The following GSK3B variants were observed in gnomAD, a reference collection of about 807,000 sequenced individuals.
GSK3B encodes glycogen synthase kinase-3 beta.
GSK3B carries 15 observed loss-of-function variants against 56.4 expected under a neutral mutation model. That is an observed-to-expected ratio of 0.27 (90% CI 0.18 to 0.41). The LOEUF (loss-of-function observed/expected upper bound fraction) is 0.41, where lower values mean the gene tolerates loss of function less well. Ranked by LOEUF, GSK3B falls within the 10% of genes least tolerant of loss-of-function variation. GSK3B has a pLI of 1.00. For synonymous variants in GSK3B, 181 were observed against 188.9 expected (o/e 0.96, Z 0.34); for missense variants, 300 against 513.4 (o/e 0.58, Z 4.02).
At chr3:119,952,679 C>T (rs935449526) in intron 2 of GSK3B, among the ~76,000 whole-genome samples, 23 of 148,154 alleles carry the variant, frequency 1.6e-4, no homozygotes, top group African/African-American at 4.9e-4. Context: ...AATTAATAGC[C>T]GACTAATCAT....
rs939184765 is a variant in GSK3B, at chr3:119,842,070, C to T, written c.1195+1185G>A. ...AAATGAAGTCAGCTCCTGCCATTAG[C>T]TTTTTGGAGAGAGAGAGAAAAAAAA... is the stretch of plus-strand genomic sequence containing the variant. On this transcript the variant is annotated intron_variant, in intron 10 of 10. Coordinates refer to ENST00000264235, the MANE Select transcript of GSK3B (RefSeq NM_001146156.2). 2.0e-5 allele frequency among the ~76,000 whole-genome samples: 3 copies of T among 152,090 alleles called. No individual in the cohort carries two copies. The East Asian group carries it at 5.8e-4, about 29-fold the overall frequency.
chr3:120,089,267 A>T (rs2058491307), intron 1 of GSK3B, among the ~76,000 whole-genome samples: 3 of 152,212 alleles, frequency 2.0e-5, no homozygotes, highest in Non-Finnish European at 1.5e-5. Context: ...TTAGCATTCT[A>T]CAGGTGCATG....
In GSK3B at chr3:120,093,567, C is replaced by G. The variant is rs2058533161; in HGVS notation, c.-133G>C. The G allele has an allele frequency of 1.1e-5, 7 of 624,786 alleles. No individual in the cohort carries two copies. The Admixed American group carries it at 2.0e-4, about 18-fold the overall frequency. 38.7% of individuals were successfully genotyped at this position (624,786 alleles called of 1,614,324 possible). On this transcript the variant is annotated 5_prime_UTR_variant, in exon 1 of 11. Coordinates refer to ENST00000264235, the MANE Select transcript of GSK3B (RefSeq NM_001146156.2). ...AGAAGAAAAAGAAAAAGACTTCGTC[C>G]TCTTGGCTTTTCACTCCTTTTGTAT... is the stretch of plus-strand genomic sequence containing the variant.
intron 2 of GSK3B, among the ~76,000 whole-genome samples, chr3:119,986,189 A>T (rs1020658142): frequency 5.3e-5 from 8 of 152,216 alleles, no homozygotes; most frequent in African/African-American, 1.9e-4. Context: ...TTAATTCATG[A>T]TGGATAAAAG....
intron 1 of GSK3B, among the ~76,000 whole-genome samples, chr3:120,076,564 C>T (rs1160825879): frequency 7.9e-5 from 12 of 151,924 alleles, no homozygotes; most frequent in Non-Finnish European, 4.4e-5. Context: ...GCCTGTAATC[C>T]CAGCACTTTG....
chr3:119,891,097 A>G (rs1212010751), intron 7 of GSK3B, among the ~76,000 whole-genome samples: 1 of 151,964 alleles, frequency 6.6e-6, no homozygotes, highest in African/African-American at 2.4e-5. Flanking sequence ...GTAATGTGTG[A>G]GGTGAAAGTG....
intron 3 of GSK3B, among the ~76,000 whole-genome samples, chr3:119,940,096 G>A (rs1324007692): frequency 7.7e-6 from 1 of 130,704 alleles, no homozygotes; most frequent in Non-Finnish European, 1.5e-5. Flanking sequence ...AGTAACAAAA[G>A]TGTGTGTGTG....
intron 10 of GSK3B, among the ~76,000 whole-genome samples, chr3:119,827,681 T>C (rs556443949): frequency 5.4e-5 from 8 of 148,750 alleles, no homozygotes; most frequent in Non-Finnish European, 1.2e-4. Flanking sequence ...TGCAACAACA[T>C]GGATGGAACT....
chr3:119,944,526 T>C (rs1217126105), intron 3 of GSK3B, among the ~76,000 whole-genome samples: 1 of 152,166 alleles, frequency 6.6e-6, no homozygotes, highest in Admixed American at 6.5e-5. Flanking sequence ...TCCTGACAAA[T>C]TCTAGAAAAA....
chr3:119,850,393 C>T (rs770722253), intron 9 of GSK3B, among the ~76,000 whole-genome samples: 2 of 152,154 alleles, frequency 1.3e-5, no homozygotes, highest in Non-Finnish European at 2.9e-5. Flanking sequence ...TCCTTAAAAT[C>T]CATTGCTTTC....
At chr3:120,088,647 C>A (rs73854776) in intron 1 of GSK3B, among the ~76,000 whole-genome samples, 1,642 of 152,232 alleles carry the variant, frequency 0.011, 22 homozygotes, top group African/African-American at 0.032. Flanking sequence ...CACACACACA[C>A]AAAAAATCAG....
chr3:119,863,288 C>G (rs187274658), intron 9 of GSK3B, 131 bp downstream of exon 9: 2 of 714,754 alleles, frequency 2.8e-6, no homozygotes, highest in East Asian at 5.0e-5. Flanking sequence ...AGAAAGGATG[C>G]TCTTTTCACC....
intron 1 of GSK3B, among the ~76,000 whole-genome samples, chr3:120,088,974 G>C (rs191468336): frequency 5.1e-4 from 77 of 152,300 alleles, no homozygotes; most frequent in African/African-American, 1.8e-3. Flanking sequence ...CACACAAATA[G>C]AGCTCTCCCA....
At chr3:119,969,413 C>A (rs867650986) in intron 2 of GSK3B, among the ~76,000 whole-genome samples, 1 of 152,112 alleles carries the variant, frequency 6.6e-6, no homozygotes, top group Non-Finnish European at 1.5e-5. Flanking sequence ...TATTAAGATG[C>A]CAGTTCTTCC....
At chr3:120,050,659 G>A (rs1416577257) in intron 1 of GSK3B, among the ~76,000 whole-genome samples, 1 of 152,052 alleles carries the variant, frequency 6.6e-6, no homozygotes, top group African/African-American at 2.4e-5. Context: ...AGAATATAGA[G>A]GTTTCATTCT....
intron 2 of GSK3B, among the ~76,000 whole-genome samples, chr3:119,992,826 A>C (rs2057577558): frequency 6.6e-6 from 1 of 152,130 alleles, no homozygotes; most frequent in South Asian, 2.1e-4. Context: ...ATACATGAAA[A>C]GATGTTAAAG....
intron 2 of GSK3B, 70 bp from the exon 3 acceptor site, chr3:119,947,421 T>G: frequency 1.0e-6 from 1 of 957,182 alleles, no homozygotes; most frequent in Non-Finnish European, 1.7e-6. Flanking sequence ...ACAAGATGCT[T>G]CTGAAATAAC....
intron 2 of GSK3B, among the ~76,000 whole-genome samples, chr3:119,963,511 T>C (rs554809429): frequency 6.7e-6 from 1 of 149,852 alleles, no homozygotes; most frequent in South Asian, 2.1e-4. Context: ...CCCAGCTACT[T>C]GGAAGGCTGA....
chr3:119,826,881 G>C (rs1467321568), intron 10 of GSK3B, 26 bp from the exon 11 acceptor site: 1 of 1,436,376 alleles, frequency 7.0e-7, no homozygotes, highest in Non-Finnish European at 9.8e-7. Flanking sequence ...TCCCAAGAGA[G>C]AGCATGAGCA....
Sources: gnomAD v4.1 joint callset for allele counts (sites outside exome capture counted in the v4.1 genomes callset) on GRCh38, gnomAD v4.1.1 for gene constraint, MANE v1.5 for transcripts, NCBI Gene and HGNC (gene_info 2026-07-23, HGNC 2026-07-21) for gene names.